Variants in TNIK observed in about 807,000 individuals in gnomAD.
The protein encoded by TNIK is TRAF2 and NCK interacting kinase, also known as TRAF2 and NCK-interacting protein kinase.
TNIK carries 49 observed loss-of-function variants against 191.3 expected under a neutral mutation model. The observed-to-expected ratio is 0.26, with a 90% CI of 0.20 to 0.32. The LOEUF (loss-of-function observed/expected upper bound fraction) is 0.32. TNIK is among the 10% of genes least tolerant of loss of function. The probability of loss-of-function intolerance (pLI) is 1.00; values close to 1 mark genes in which losing one functional copy is unlikely to be tolerated. For synonymous variants in TNIK, 594 were observed against 600.9 expected (o/e 0.99, Z 0.17); for missense variants, 1,155 against 1,702.3 (o/e 0.68, Z 5.66).
Position 171,059,448 on chromosome 3 carries a change from C to T in TNIK, c.*4433G>A, listed in dbSNP as rs1164654013. The stretch of plus-strand genomic sequence containing the variant: ...CTCACACTGTTTAATGCTAAGCAAA[C>T]TGTTGAATATTCTAGTTATCAATGG... On this transcript the variant is annotated 3_prime_UTR_variant, in exon 33 of 33. Coordinates refer to ENST00000436636, the MANE Select transcript of TNIK (RefSeq NM_015028.4). 6.6e-6 allele frequency among the ~76,000 whole-genome samples: 1 copy of T among 152,070 alleles called. No homozygotes were observed.
chr3:171,126,201 T>C (rs774192296), intron 16 of TNIK, 50 bp from the exon 17 acceptor site: 29 of 1,446,064 alleles, frequency 2.0e-5, no homozygotes. Flanking sequence ...AAAAAAGAGA[T>C]CAGCCAGTAC....
chr3:171,073,845 CA>C (rs562403849), intron 28 of TNIK, among the ~76,000 whole-genome samples: 11,996 of 97,746 alleles, frequency 0.12, 486 homozygotes, highest in Middle Eastern at 0.2. Flanking sequence ...ACTAAAAGGT[CA>C]AAAAAAAAAA....
rs146024765 is a variant in TNIK at position 171,365,632 on chromosome 3, T to A, written c.123+3988A>T. Among the ~76,000 whole-genome samples, 5 of 152,300 alleles carry A rather than the reference T, an allele frequency of 3.3e-5. No homozygotes were observed. The East Asian group carries it at 9.6e-4, about 29-fold the overall frequency. On this transcript the variant is annotated intron_variant, in intron 2 of 32. Coordinates refer to ENST00000436636, the MANE Select transcript of TNIK (RefSeq NM_015028.4). ...TCAAAGGAACTGCAGGAAAATGGAC[T>A]GACAGAAAAGTAATGAGTTCCACAT...
chr3:171,270,119 T>C (rs904617184), intron 2 of TNIK, among the ~76,000 whole-genome samples: 1 of 152,134 alleles, frequency 6.6e-6, no homozygotes, highest in African/African-American at 2.4e-5. Context: ...ACTGTGAAGA[T>C]AATTATTTAT....
intron 15 of TNIK, among the ~76,000 whole-genome samples, chr3:171,134,437 T>G (rs1483738213): frequency 6.6e-6 from 1 of 152,140 alleles, no homozygotes; most frequent in Non-Finnish European, 1.5e-5. Flanking sequence ...TGCACCACCA[T>G]GCCCAGCTAA....
chr3:171,398,948 A>C (rs6785427), intron 1 of TNIK, among the ~76,000 whole-genome samples: 2 of 151,894 alleles, frequency 1.3e-5, no homozygotes, highest in African/African-American at 4.8e-5. Flanking sequence ...CCCAAGAATC[A>C]GAGGCTCTCC....
chr3:171,392,224 C>T (rs144771089), intron 1 of TNIK, among the ~76,000 whole-genome samples: 1 of 152,066 alleles, frequency 6.6e-6, no homozygotes, highest in Admixed American at 6.6e-5. Context: ...GACAGTGATA[C>T]AAATGACAAT....
chr3:171,174,092 C>T (rs1204079289), intron 9 of TNIK, among the ~76,000 whole-genome samples: 2 of 152,298 alleles, frequency 1.3e-5, no homozygotes, highest in South Asian at 2.1e-4. Context: ...TCACTCCCCT[C>T]GCAGGGCCCG....
chr3:171,325,425 A>G (rs1755643488), intron 2 of TNIK, among the ~76,000 whole-genome samples: 1 of 152,182 alleles, frequency 6.6e-6, no homozygotes, highest in Non-Finnish European at 1.5e-5. Context: ...ATTAACAAGT[A>G]AAACTTCAGG....
chr3:171,367,473 TGGGG>T (rs200146363), intron 2 of TNIK, among the ~76,000 whole-genome samples: 24 of 118,508 alleles, frequency 2.0e-4, no homozygotes, highest in South Asian at 5.6e-4. Context: ...AGCATTTTTT[TGGGG>T]GGGGGGGGAG....
intron 19 of TNIK, among the ~76,000 whole-genome samples, chr3:171,108,546 T>C (rs1725335437): frequency 6.6e-6 from 1 of 152,212 alleles, no homozygotes; most frequent in South Asian, 2.1e-4. Flanking sequence ...ATGACACAAC[T>C]GTCCGGAGGT....
intron 4 of TNIK, 23 bp downstream of exon 4, chr3:171,211,093 C>A: frequency 6.2e-7 from 1 of 1,600,626 alleles, no homozygotes; most frequent in Non-Finnish European, 8.5e-7. Context: ...GTAAATAAAG[C>A]AAATTTGGAC....
intron 2 of TNIK, among the ~76,000 whole-genome samples, chr3:171,265,431 T>G (rs767248914): frequency 1.3e-5 from 2 of 152,240 alleles, no homozygotes; most frequent in Non-Finnish European, 2.9e-5. Context: ...AAGAGCCTTC[T>G]CAGTGGAACT....
intron 1 of TNIK, among the ~76,000 whole-genome samples, chr3:171,425,641 C>T (rs1246613513): frequency 6.6e-6 from 1 of 152,020 alleles, no homozygotes; most frequent in Non-Finnish European, 1.5e-5. Context: ...GCCTGGCCAA[C>T]ATGGTGAAAC....
At chr3:171,323,581 C>T (rs1050365664) in intron 2 of TNIK, among the ~76,000 whole-genome samples, 4 of 152,150 alleles carry the variant, frequency 2.6e-5, no homozygotes, top group African/African-American at 4.8e-5. Flanking sequence ...AGAACTCCCA[C>T]CCCAATATGT....
chr3:171,327,579 TA>T (rs1367837281), intron 2 of TNIK, among the ~76,000 whole-genome samples: 5 of 152,038 alleles, frequency 3.3e-5, no homozygotes, highest in Non-Finnish European at 7.4e-5. Flanking sequence ...GGACAAAAGT[TA>T]CCAGGATGCC....
At chr3:171,307,673 A>G (rs963167674) in intron 2 of TNIK, among the ~76,000 whole-genome samples, 1 of 152,134 alleles carries the variant, frequency 6.6e-6, no homozygotes, top group Non-Finnish European at 1.5e-5. Context: ...CAGTTGACTA[A>G]ATGAAAGAAT....
chr3:171,220,947 A>G (rs879384289), intron 3 of TNIK, among the ~76,000 whole-genome samples: 1 of 152,178 alleles, frequency 6.6e-6, no homozygotes, highest in Non-Finnish European at 1.5e-5. Flanking sequence ...TACACACAGC[A>G]TGCATGAACA....
At chr3:171,327,929 A>AAAAAAAAAAAAAAAAC (rs1755981044) in intron 2 of TNIK, among the ~76,000 whole-genome samples, 1 of 130,118 alleles carries the variant, frequency 7.7e-6, no homozygotes, top group Non-Finnish European at 1.6e-5. Context: ...AAAAAAAAAA[A>AAAAAAAAAAAAAAAAC]AATCACTTGT....
Sources: allele counts gnomAD v4.1 joint callset (sites outside exome capture counted in the v4.1 genomes callset), GRCh38; gene constraint gnomAD v4.1.1; transcripts MANE v1.5; gene names NCBI Gene and HGNC (gene_info 2026-07-23, HGNC 2026-07-21).